Variants in TLR5 observed in about 807,000 individuals in gnomAD.
TLR5 encodes the protein toll like receptor 5.
For missense variants in TLR5, 944 were observed against 999.8 expected (o/e 0.94, Z 0.75); for synonymous variants, 373 against 384.4 (o/e 0.97, Z 0.35).
chr1:223,132,556 C>G lies in TLR5; in HGVS notation c.-86G>C, dbSNP rs1657438595. 1 of 152,100 alleles carries G rather than the reference C, an allele frequency of 6.6e-6. No individual in the cohort carries two copies. The highest frequency in any genetic ancestry group is 1.5e-5 in the Non-Finnish European group (1 of 67,988). The allele number at this position is 152,100 out of a possible 1,614,324, so 9.4% of individuals were successfully genotyped here. ...CCCTGGTTGTTTAAAGACTTCAGTT[C>G]CTGAGACTATAGGAATCTCATCACA... On this transcript the variant is annotated 5_prime_UTR_variant, in exon 5 of 6. Coordinates refer to ENST00000642603, the MANE Select transcript of TLR5 (RefSeq NM_003268.6).
At chr1:223,124,467 A>G in intron 5 of TLR5, among the ~76,000 whole-genome samples, 2 of 150,772 alleles carry the variant, frequency 1.3e-5, no homozygotes, top group East Asian at 3.9e-4. Flanking sequence ...AAAGAAAAAG[A>G]AAAAAAAAGG....
rs182945601 is a variant in TLR5, at chr1:223,137,883, A to G, written c.-438-620T>C. ...GACAAAAAGTCTAAAAACCCCACCC[A>G]ATGTTTCCATTGCCCAGTAACTCAG... On this transcript the variant is annotated intron_variant, in intron 2 of 5. Transcript: ENST00000642603. 2.7e-3 allele frequency among the ~76,000 whole-genome samples: 409 copies of G among 149,134 alleles called. 3 individuals are homozygous for G. The highest frequency in any genetic ancestry group is 0.025 in the Middle Eastern group (7 of 282).
intron 5 of TLR5, among the ~76,000 whole-genome samples, chr1:223,116,289 C>T (rs111446844): frequency 0.13 from 19,831 of 151,946 alleles, 1,562 homozygotes; most frequent in Middle Eastern, 0.2. Context: ...GATGTTTGGA[C>T]GTGTTCGGAG....
chr1:223,112,458 G>GGAAATA lies in TLR5; in HGVS notation c.573_574insTATTTC (p.Glu191_Pro192insTyrPhe). The GGAAATA allele has an allele frequency of 6.2e-7, 1 of 1,614,240 alleles. No individual in the cohort carries two copies. ...AAGGAGAGCGTTTTCCCTTGTAGGG[G>GGAAATA]CTCGAGCTCATGTTCACATACAAGG... On this transcript the variant is annotated inframe_insertion, in exon 6 of 6. Transcript: ENST00000642603.
At chr1:223,115,519 G>C (rs796974325) in intron 5 of TLR5, among the ~76,000 whole-genome samples, 1 of 152,218 alleles carries the variant, frequency 6.6e-6, no homozygotes, top group African/African-American at 2.4e-5. Flanking sequence ...TCAAAGTGCT[G>C]GGATTACAAA....
At position 223,110,352 on chromosome 1, in the gene TLR5, G is replaced by GA. The variant is rs533301769; in HGVS notation, c.*102dup. 18,716 of 1,052,774 alleles carry GA rather than the reference G, an allele frequency of 0.018. 4 individuals are homozygous for GA. Among genetic ancestry groups the GA allele is most frequent in the East Asian group, 0.021 (732 of 35,112 alleles). 65.2% of individuals were successfully genotyped at this position (1,052,774 alleles called of 1,614,324 possible). ...TATGTTGTTTTCATAGTAGCAAAAA[G>GA]AAAAAAAAAACCTCCAGAGAGGACC... On this transcript the variant is annotated 3_prime_UTR_variant, in exon 6 of 6. Transcript: ENST00000642603.
At chr1:223,125,963 C>T (rs1286081149) in intron 5 of TLR5, among the ~76,000 whole-genome samples, 1 of 152,004 alleles carries the variant, frequency 6.6e-6, no homozygotes, top group Non-Finnish European at 1.5e-5. Flanking sequence ...AAATGAAACA[C>T]AGAACTAACT....
chr1:223,122,783 C>A (rs1210554761), intron 5 of TLR5, among the ~76,000 whole-genome samples: 1 of 152,168 alleles, frequency 6.6e-6, no homozygotes, highest in Admixed American at 6.5e-5. Context: ...TATAAAAATG[C>A]ACATTTGCAT....
intron 4 of TLR5, among the ~76,000 whole-genome samples, chr1:223,133,911 G>C (rs1657499204): frequency 6.6e-6 from 1 of 152,232 alleles, no homozygotes; most frequent in African/African-American, 2.4e-5. Flanking sequence ...AGTCGAGCGG[G>C]GCGCGGGGAG....
At chr1:223,118,847 T>C (rs1656802547) in intron 5 of TLR5, among the ~76,000 whole-genome samples, 1 of 151,802 alleles carries the variant, frequency 6.6e-6, no homozygotes, top group Non-Finnish European at 1.5e-5. Context: ...CTCACGCCTG[T>C]AACCCCAGCA....
chr1:223,141,784 C>CATAT (rs142700046), intron 1 of TLR5, 21 bp from the exon 2 acceptor site: 165 of 74,884 alleles, frequency 2.2e-3, no homozygotes, highest in Non-Finnish European at 3.3e-3. Context: ...AAAAAAATTA[C>CATAT]ATATATATAT....
intron 1 of TLR5, 49 bp from the exon 2 acceptor site, chr1:223,141,812 TATATATATATAGAGAGAGAG>T (rs1396991799): frequency 4.7e-3 from 269 of 57,748 alleles, no homozygotes; most frequent in Non-Finnish European, 6.2e-3. Context: ...TATATATATA[TATATATATATAGAGAGAGAG>T]AGAGAGAGAG....
rs375526841 is a variant in TLR5, at chr1:223,110,628, T to A, written c.2404A>T (p.Lys802Ter). Reference sequence around the variant, plus strand: ...ACAAAGCCTCTGATGGATTGATGTTTCATCAACTGGTACTGGGACAAGGAC... The same window carrying A: ...ACAAAGCCTCTGATGGATTGATGTTACATCAACTGGTACTGGGACAAGGAC... ...VGSLSQYQLM[K>*]HQSIRGFVQK... is the part of the protein sequence containing the mutation. Residue 802 changes from lysine (K) to a stop codon, truncating the protein, a stop_gained, in exon 6 of 6, where the codon AAA becomes TAA. Transcript: ENST00000642603. LOFTEE classifies it low-confidence loss of function (END_TRUNC). The A allele has an allele frequency of 3.7e-6, 6 of 1,614,252 alleles. No individual in the cohort carries two copies. Among genetic ancestry groups the A allele is most frequent in the Non-Finnish European group, 4.2e-6 (5 of 1,180,040 alleles).
At chr1:223,119,983 A>AAAATAAAATAAAATAAAAT (rs1656870808) in intron 5 of TLR5, among the ~76,000 whole-genome samples, 6 of 63,118 alleles carry the variant, frequency 9.5e-5, no homozygotes, top group African/African-American at 5.8e-4. Flanking sequence ...TAAAATAAAT[A>AAAATAAAATAAAATAAAAT]AAATAAAATA....
chr1:223,124,335 T>C (rs1455663092), intron 5 of TLR5, among the ~76,000 whole-genome samples: 1 of 151,246 alleles, frequency 6.6e-6, no homozygotes, highest in Middle Eastern at 3.4e-3. Context: ...TCCAGCTACT[T>C]GGGAGGCTGA....
chr1:223,110,254 T>C lies in TLR5; in HGVS notation c.*201A>G, dbSNP rs866853507. 1 of 617,574 alleles carries C rather than the reference T, an allele frequency of 1.6e-6. No homozygotes were observed. Among genetic ancestry groups the C allele is most frequent in the Middle Eastern group, 4.4e-4 (1 of 2,288 alleles). The allele number at this position is 617,574 out of a possible 1,614,324, so 38.3% of individuals were successfully genotyped here. A position where few individuals can be genotyped will look rare whatever the true frequency, so the allele number is the denominator to read the frequency against. Reference sequence around the variant, plus strand: ...GGAAACCTCTAAGGGCAGTTGCAATTTTCTAGATCTATTATTTTCCATTTG... The same window carrying C: ...GGAAACCTCTAAGGGCAGTTGCAATCTTCTAGATCTATTATTTTCCATTTG... On this transcript the variant is annotated 3_prime_UTR_variant, in exon 6 of 6. Coordinates refer to ENST00000642603, the MANE Select transcript of TLR5 (RefSeq NM_003268.6).
At position 223,111,869 on chromosome 1, in the gene TLR5, GT is replaced by G; in HGVS notation, c.1162del (p.Thr388ProfsTer23). The stretch of plus-strand genomic sequence containing the variant: ...AAGAGCATTGTCTCGGAGATCCAAG[GT>G]CTGTAATTTTTCCAGGAATTTGAAT... ...QTFKFLEKLQ[T>X]LDLRDNALTT... On this transcript the variant is annotated frameshift_variant, in exon 6 of 6. Transcript: ENST00000642603. LOFTEE classifies it low-confidence loss of function (END_TRUNC). The G allele has an allele frequency of 5.6e-6, 9 of 1,613,902 alleles. No individual in the cohort carries two copies. Among genetic ancestry groups the G allele is most frequent in the Non-Finnish European group, 6.8e-6 (8 of 1,179,902 alleles).
intron 5 of TLR5, among the ~76,000 whole-genome samples, chr1:223,132,175 C>T (rs1433842085): frequency 6.6e-6 from 1 of 152,022 alleles, no homozygotes; most frequent in Non-Finnish European, 1.5e-5. Flanking sequence ...CCACCCTGGG[C>T]CACATAGTGA....
intron 3 of TLR5, 55 bp from the exon 4 acceptor site, chr1:223,134,919 T>G (rs1657547381): frequency 6.7e-6 from 1 of 150,214 alleles, no homozygotes; most frequent in Admixed American, 6.7e-5. Context: ...ATTTGGAGTG[T>G]GATGTAAATT....
Sources: gnomAD v4.1 joint callset for allele counts (sites outside exome capture counted in the v4.1 genomes callset) on GRCh38, gnomAD v4.1.1 for gene constraint, MANE v1.5 for transcripts, NCBI Gene and HGNC (gene_info 2026-07-23, HGNC 2026-07-21) for gene names.